Variants in ADAM2 observed in about 807,000 individuals in gnomAD.
ADAM2 encodes the protein disintegrin and metalloproteinase domain-containing protein 2.
Under a neutral mutation model 99.3 loss-of-function variants are expected in ADAM2, and 101 were observed. The ratio of observed to expected loss-of-function variants is 1.02; its 90% CI spans 0.87 to 1.20. ADAM2 has a LOEUF of 1.20. ADAM2 is among the 50% of genes most tolerant of loss of function. ADAM2 has a pLI of 0.00. For synonymous variants in ADAM2, 323 were observed against 287.6 expected (o/e 1.12, Z -1.25); for missense variants, 948 against 878.7 (o/e 1.08, Z -1.00).
intron 15 of ADAM2, among the ~76,000 whole-genome samples, 191 bp downstream of exon 15, chr8:39,760,983 CTT>C (rs1434771401): frequency 1.3e-5 from 2 of 148,774 alleles, no homozygotes; most frequent in African/African-American, 5.0e-5. Flanking sequence ...AAACTAAACA[CTT>C]TGTGGAAAAG....
At chr8:39,763,007 T>G (rs572826982) in intron 14 of ADAM2, among the ~76,000 whole-genome samples, 9 of 152,176 alleles carry the variant, frequency 5.9e-5, no homozygotes, top group Non-Finnish European at 1.2e-4. Flanking sequence ...TCTCATTTGT[T>G]CTCAGTGTCT....
At chr8:39,786,445 G>A (rs777531883) in intron 10 of ADAM2, among the ~76,000 whole-genome samples, 1 of 152,010 alleles carries the variant, frequency 6.6e-6, no homozygotes, top group Non-Finnish European at 1.5e-5. Flanking sequence ...CTGTTTGTCA[G>A]AATAGTGATA....
chr8:39,812,486 G>C (rs1246803109), intron 6 of ADAM2, among the ~76,000 whole-genome samples: 3 of 152,058 alleles, frequency 2.0e-5, no homozygotes, highest in African/African-American at 7.2e-5. Context: ...TAAGCCAAAA[G>C]AACAAAGCTG....
rs978565118 is a variant in ADAM2, at chr8:39,800,015, G to A, written c.570+9395C>T. Among the ~76,000 whole-genome samples the A allele has an allele frequency of 2.0e-5, 3 of 152,142 alleles. No homozygotes were observed. The East Asian group carries it at 5.8e-4, about 29-fold the overall frequency. The stretch of plus-strand genomic sequence containing the variant: ...TTGTGTCTTTTAATTGGGACATTTA[G>A]CTCATTTACACTTAAGATTACTATT... On this transcript the variant is annotated intron_variant, in intron 7 of 20. Transcript: ENST00000265708.
At chr8:39,799,246 C>T (rs1317720034) in intron 7 of ADAM2, among the ~76,000 whole-genome samples, 2 of 152,180 alleles carry the variant, frequency 1.3e-5, no homozygotes, top group Non-Finnish European at 2.9e-5. Context: ...TCTCTTTGTT[C>T]TTACTGGTTT....
chr8:39,744,115 C>G (rs1823348503), intron 20 of ADAM2, 51 bp from the exon 21 acceptor site: 1 of 151,804 alleles, frequency 6.6e-6, no homozygotes, highest in Non-Finnish European at 1.5e-5. Context: ...GAAATGATAG[C>G]TAGTTCAACA....
At chr8:39,763,953 C>T (rs751393489) in intron 14 of ADAM2, among the ~76,000 whole-genome samples, 3 of 152,202 alleles carry the variant, frequency 2.0e-5, no homozygotes, top group Non-Finnish European at 4.4e-5. Flanking sequence ...TAGCTCAAAC[C>T]TATTGTTCAC....
intron 7 of ADAM2, among the ~76,000 whole-genome samples, chr8:39,808,189 T>TATAC (rs1554528445): frequency 6.8e-6 from 1 of 146,004 alleles, no homozygotes; most frequent in East Asian, 2.0e-4. Context: ...TCCTAAGGAA[T>TATAC]ACACACACAC....
At chr8:39,802,676 C>T (rs1380848111) in intron 7 of ADAM2, among the ~76,000 whole-genome samples, 1 of 152,134 alleles carries the variant, frequency 6.6e-6, no homozygotes, top group East Asian at 1.9e-4. Flanking sequence ...AAGAGAAAAC[C>T]TTTGTGCCCA....
chr8:39,826,108 C>T (rs1400732229), intron 3 of ADAM2, among the ~76,000 whole-genome samples: 1 of 152,118 alleles, frequency 6.6e-6, no homozygotes, highest in Non-Finnish European at 1.5e-5. Context: ...TTACCTCCTT[C>T]ATTAAATTTG....
At position 39,838,201 on chromosome 8, in the gene ADAM2, G is replaced by A. The variant is rs373976021; in HGVS notation, c.-16C>T. 7 of 1,614,018 alleles carry A rather than the reference G, an allele frequency of 4.3e-6. No homozygotes were observed. The African/African-American group carries it at 6.7e-5, about 15-fold the overall frequency. On this transcript the variant is annotated 5_prime_UTR_variant, in exon 1 of 21. Transcript: ENST00000265708. ...CGCGCCACATGGCTTGAAGTCCTGG[G>A]TCCCAGCCGGAATAATGGCAGTTGG...
At chr8:39,774,275 T>A (rs544386964) in intron 11 of ADAM2, among the ~76,000 whole-genome samples, 1 of 152,072 alleles carries the variant, frequency 6.6e-6, no homozygotes, top group East Asian at 1.9e-4. Flanking sequence ...CAGCCACACA[T>A]CAAACTTTTG....
chr8:39,771,218 T>C (rs1802768812), intron 11 of ADAM2, among the ~76,000 whole-genome samples: 1 of 152,214 alleles, frequency 6.6e-6, no homozygotes, highest in Admixed American at 6.5e-5. Flanking sequence ...TATGCATGCA[T>C]GGTTCCCTTT....
At chr8:39,766,606 T>C (rs1470302546) in intron 14 of ADAM2, among the ~76,000 whole-genome samples, 1 of 151,968 alleles carries the variant, frequency 6.6e-6, no homozygotes, top group Non-Finnish European at 1.5e-5. Context: ...CAGGTTTTTG[T>C]CATGTTGGCC....
intron 7 of ADAM2, among the ~76,000 whole-genome samples, chr8:39,805,492 T>A (rs1804398775): frequency 6.6e-6 from 1 of 152,052 alleles, no homozygotes; most frequent in South Asian, 2.1e-4. Context: ...AAGACAAAAT[T>A]GTCAAAAATC....
intron 6 of ADAM2, among the ~76,000 whole-genome samples, chr8:39,811,982 T>G (rs758910922): frequency 2.5e-4 from 38 of 152,056 alleles, no homozygotes; most frequent in Non-Finnish European, 5.1e-4. Context: ...GAGGGGAAGT[T>G]AAATTGTCCC....
At position 39,808,918 on chromosome 8, in the gene ADAM2, A is replaced by T. The variant is rs574364498; in HGVS notation, c.570+492T>A. On this transcript the variant is annotated intron_variant, in intron 7 of 20. Coordinates refer to ENST00000265708, the MANE Select transcript of ADAM2 (RefSeq NM_001464.5). ...GGGACAGAGTGAGACTCCATCACAAAAAATAAATAAATAAATACATAAAGA... is the reference window on the plus strand; with the variant it reads ...GGGACAGAGTGAGACTCCATCACAATAAATAAATAAATAAATACATAAAGA... Among the ~76,000 whole-genome samples, 7 of 152,276 alleles carry T rather than the reference A, an allele frequency of 4.6e-5. No homozygotes were observed. In the South Asian group the frequency reaches 1.2e-3, roughly 27 times the overall value.
At chr8:39,834,732 CAAAAAAAA>C (rs79431764) in intron 2 of ADAM2, among the ~76,000 whole-genome samples, 1 of 52,930 alleles carries the variant, frequency 1.9e-5, no homozygotes, top group Non-Finnish European at 3.3e-5. Context: ...AAGACTCCAT[CAAAAAAAA>C]AAAAAAAAAA....
chr8:39,802,869 G>A (rs1358177965), intron 7 of ADAM2, among the ~76,000 whole-genome samples: 1 of 152,078 alleles, frequency 6.6e-6, no homozygotes, highest in South Asian at 2.1e-4. Context: ...TTTTTCTTTT[G>A]TTATTTTAGT....
Sources: gnomAD v4.1 joint callset for allele counts (sites outside exome capture counted in the v4.1 genomes callset) on GRCh38, gnomAD v4.1.1 for gene constraint, MANE v1.5 for transcripts, NCBI Gene and HGNC (gene_info 2026-07-23, HGNC 2026-07-21) for gene names.